The following WWTR1 variants were observed in gnomAD, a reference collection of about 807,000 sequenced individuals.
WWTR1 encodes the protein WW domain containing transcription regulator 1.
Under a neutral mutation model 40.1 loss-of-function variants are expected in WWTR1, and 13 were observed. That is an observed-to-expected ratio of 0.32 (90% CI 0.21 to 0.52). The LOEUF (loss-of-function observed/expected upper bound fraction) is 0.52, where lower values mean the gene tolerates loss of function less well. Ranked by LOEUF, WWTR1 falls within the 20% of genes least tolerant of loss-of-function variation. The pLI is 0.97. For missense variants in WWTR1, 436 were observed against 523.1 expected, an observed-to-expected ratio of 0.83 and a Z score of 1.63; for synonymous variants, 230 against 210.1, an observed-to-expected ratio of 1.09 and a Z score of -0.82.
chr3:149,609,214 G>A (rs1277687110), intron 2 of WWTR1, among the ~76,000 whole-genome samples: 1 of 152,188 alleles, frequency 6.6e-6, no homozygotes, highest in African/African-American at 2.4e-5. Flanking sequence ...GCAGGGACAA[G>A]AACACTGGAC....
At chr3:149,545,533 T>C (rs1736325278) in intron 3 of WWTR1, among the ~76,000 whole-genome samples, 2 of 152,154 alleles carry the variant, frequency 1.3e-5, no homozygotes, top group African/African-American at 4.8e-5. Flanking sequence ...GTTGTTATTG[T>C]TGTTTTGAGA....
At chr3:149,583,818 G>A (rs13098021) in intron 2 of WWTR1, among the ~76,000 whole-genome samples, 79,663 of 151,916 alleles carry the variant, frequency 0.52, 21,687 homozygotes, top group African/African-American at 0.66. Context: ...GCAGGGAGAA[G>A]GTGGCAGTGA....
intron 2 of WWTR1, among the ~76,000 whole-genome samples, chr3:149,628,727 CTTTTTATTT>C (rs904785925): frequency 2.7e-5 from 4 of 146,526 alleles, no homozygotes; most frequent in East Asian, 4.0e-4. Context: ...ACAAATGATT[CTTTTTATTT>C]TTTTTATTTT....
chr3:149,633,381 T>C (rs1711643228), intron 2 of WWTR1, among the ~76,000 whole-genome samples: 1 of 152,174 alleles, frequency 6.6e-6, no homozygotes, highest in Non-Finnish European at 1.5e-5. Flanking sequence ...AAGTGAGAAC[T>C]TGTCTCTAAA....
chr3:149,636,369 T>A (rs1007202085), intron 2 of WWTR1, among the ~76,000 whole-genome samples: 3 of 152,176 alleles, frequency 2.0e-5, no homozygotes, highest in East Asian at 3.9e-4. Context: ...AAGGTTACGA[T>A]CTTAGGATCA....
At chr3:149,715,423 GCTGGCACCCGTGCCAGCACT>G (rs1715584030) in intron 5 of WWTR1, among the ~76,000 whole-genome samples, 1 of 152,218 alleles carries the variant, frequency 6.6e-6, no homozygotes, top group Non-Finnish European at 1.5e-5. Context: ...CTCACAGAGC[GCTGGCACCCGTGCCAGCACT>G]CGGAACTGCC....
At chr3:149,621,025 C>T (rs923121766) in intron 2 of WWTR1, among the ~76,000 whole-genome samples, 2 of 152,222 alleles carry the variant, frequency 1.3e-5, no homozygotes, top group African/African-American at 4.8e-5. Flanking sequence ...ATTAATTTTG[C>T]TGAATGAACC....
intron 1 of WWTR1, among the ~76,000 whole-genome samples, chr3:149,672,689 A>G (rs1429158198): frequency 6.6e-6 from 1 of 151,934 alleles, no homozygotes; most frequent in Non-Finnish European, 1.5e-5. Flanking sequence ...TACTAATTTT[A>G]TGCCTACTTT....
intron 2 of WWTR1, among the ~76,000 whole-genome samples, chr3:149,664,423 A>G (rs1713717845): frequency 6.6e-6 from 1 of 152,212 alleles, no homozygotes; most frequent in African/African-American, 2.4e-5. Context: ...AGTGTCCAGC[A>G]TATAGCAAAT....
intron 2 of WWTR1, among the ~76,000 whole-genome samples, chr3:149,639,930 C>T (rs531530886): frequency 7.1e-6 from 1 of 141,614 alleles, no homozygotes; most frequent in African/African-American, 2.6e-5. Flanking sequence ...GGAGGTGGAG[C>T]TTGCAGTGAG....
chr3:149,524,394 G>C (rs1251539831), intron 6 of WWTR1, among the ~76,000 whole-genome samples: 1 of 117,196 alleles, frequency 8.5e-6, no homozygotes, highest in Non-Finnish European at 1.8e-5. Flanking sequence ...CCTTAACTTT[G>C]CTTTTTATCC....
chr3:149,666,060 T>G (rs959585823), intron 2 of WWTR1, among the ~76,000 whole-genome samples: 4 of 152,206 alleles, frequency 2.6e-5, no homozygotes, highest in Admixed American at 2.6e-4. Flanking sequence ...TGCCACCTGA[T>G]TAAAACATTT....
At chr3:149,687,034 A>C (rs2108209453) in intron 1 of WWTR1, among the ~76,000 whole-genome samples, 1 of 152,318 alleles carries the variant, frequency 6.6e-6, no homozygotes, top group South Asian at 2.1e-4. Context: ...GACTGCAGGA[A>C]CTGAAAATAA....
chr3:149,673,400 G>A (rs573930720), intron 1 of WWTR1, among the ~76,000 whole-genome samples: 45 of 152,278 alleles, frequency 3.0e-4, no homozygotes, highest in Admixed American at 7.9e-4. Context: ...TTGTGTAGTA[G>A]AGAATGTAGT....
At chr3:149,576,396 T>C (rs1203191161) in intron 2 of WWTR1, 3 of 268,608 alleles carry the variant, frequency 1.1e-5, no homozygotes, top group South Asian at 8.8e-5. Flanking sequence ...TCATCTCTGC[T>C]CCCTCTCTCA....
chr3:149,664,921 T>C (rs754173709), intron 2 of WWTR1, among the ~76,000 whole-genome samples: 2 of 152,136 alleles, frequency 1.3e-5, no homozygotes, highest in Non-Finnish European at 2.9e-5. Flanking sequence ...ATGTTATCTG[T>C]TGCTTTAGTA....
intron 2 of WWTR1, among the ~76,000 whole-genome samples, chr3:149,577,903 GCTACCTCCTT>G (rs1392761355): frequency 2.6e-5 from 4 of 151,906 alleles, no homozygotes; most frequent in Non-Finnish European, 5.9e-5. Context: ...TCAAGCCACT[GCTACCTCCTT>G]CTACCTCCTT....
chr3:149,722,891 G>T (rs1340490265), intron 4 of WWTR1, among the ~76,000 whole-genome samples: 1 of 151,756 alleles, frequency 6.6e-6, no homozygotes, highest in Non-Finnish European at 1.5e-5. Context: ...TTTCTTTATT[G>T]ATATTTACAT....
intron 4 of WWTR1, chr3:149,541,096 A>C: frequency 2.2e-6 from 1 of 453,988 alleles, no homozygotes; most frequent in Non-Finnish European, 4.4e-6. Context: ...CTAAAGTAGC[A>C]AAAGGAAGTT....
Sources: allele counts gnomAD v4.1 joint callset (sites outside exome capture counted in the v4.1 genomes callset), GRCh38; gene constraint gnomAD v4.1.1; transcripts MANE v1.5; gene names NCBI Gene and HGNC (gene_info 2026-07-23, HGNC 2026-07-21).